Variants in CFAP43 observed in about 807,000 individuals in gnomAD.
CFAP43 encodes cilia and flagella associated protein 43.
CFAP43 carries 155 observed loss-of-function variants against 218.9 expected under a neutral mutation model. That is an observed-to-expected ratio of 0.71 (90% CI 0.62 to 0.81). The LOEUF (loss-of-function observed/expected upper bound fraction) is 0.81. Among genes scored for constraint, CFAP43 ranks in the 30% least tolerant of loss-of-function variants. The probability of loss-of-function intolerance (pLI) is 0.00; values close to 1 mark genes in which losing one functional copy is unlikely to be tolerated. For missense variants in CFAP43, 1,778 were observed against 1,954.3 expected (o/e 0.91, Z 1.70); for synonymous variants, 645 against 681.3 (o/e 0.95, Z 0.83).
intron 14 of CFAP43, among the ~76,000 whole-genome samples, chr10:104,186,605 A>C (rs974747198): frequency 1.3e-5 from 2 of 152,156 alleles, no homozygotes; most frequent in Non-Finnish European, 2.9e-5. Context: ...TGTATGCAAT[A>C]TCTCTCCATG....
At position 104,168,768 on chromosome 10, in the gene CFAP43, C is replaced by T; in HGVS notation, c.2667G>A (p.Met889Ile). The change falls in exon 21 of 38, where the codon ATG becomes ATA. Residue 889 changes from methionine (M) to isoleucine (I), a missense_variant. This residue lies in a region of CFAP43 where 1,553 missense variants were observed against 1,685.2 expected (regional missense o/e 0.92). Coordinates refer to ENST00000357060, the MANE Select transcript of CFAP43 (RefSeq NM_025145.7). ...CCTTAAGAGCTCGACCTTTCACAGC[C>T]ATCGAATTCCAACATTCTTCTTTGA... ...ELIKEECWNS[M>I]AVKGRALKCF... The T allele has an allele frequency of 6.2e-7, 1 of 1,614,102 alleles. No individual in the cohort carries two copies. Among genetic ancestry groups the T allele is most frequent in the Non-Finnish European group, 8.5e-7 (1 of 1,179,988 alleles).
At chr10:104,199,944 A>C (rs2090483313) in intron 8 of CFAP43, among the ~76,000 whole-genome samples, 1 of 152,180 alleles carries the variant, frequency 6.6e-6, no homozygotes, top group African/African-American at 2.4e-5. Context: ...AATAAGTTTT[A>C]TTGGGGGGTC....
At chr10:104,154,171 T>C (rs2088421247) in intron 27 of CFAP43, among the ~76,000 whole-genome samples, 1 of 152,238 alleles carries the variant, frequency 6.6e-6, no homozygotes, top group Admixed American at 6.5e-5. Flanking sequence ...TGTAAATATC[T>C]TGTTTCTCAT....
chr10:104,217,720 C>T (rs974039747), intron 3 of CFAP43, among the ~76,000 whole-genome samples: 3 of 152,188 alleles, frequency 2.0e-5, no homozygotes, highest in Admixed American at 6.5e-5. Flanking sequence ...ATCAGGTCAG[C>T]TGGTACCTAT....
intron 28 of CFAP43, among the ~76,000 whole-genome samples, chr10:104,149,578 A>T (rs921989310): frequency 5.3e-5 from 8 of 152,336 alleles, no homozygotes; most frequent in Middle Eastern, 3.4e-3. Context: ...AAATTCATAA[A>T]TTTAAACAAA....
rs774054531 is a variant in CFAP43, at chr10:104,167,602, T to G, written c.2808+19A>C. On this transcript the variant is annotated intron_variant, in intron 22 of 37. Coordinates refer to ENST00000357060, the MANE Select transcript of CFAP43 (RefSeq NM_025145.7). ...AAAGCACATCACTTATATAAACACA[T>G]GTATATTTAAAATAGTACTTTAAGA... The G allele has an allele frequency of 6.4e-7, 1 of 1,564,040 alleles. No homozygotes were observed. The highest frequency in any genetic ancestry group is 1.9e-5 in the Admixed American group (1 of 51,374).
At chr10:104,218,301 T>C (rs1474438814) in intron 3 of CFAP43, among the ~76,000 whole-genome samples, 2 of 137,110 alleles carry the variant, frequency 1.5e-5, no homozygotes, top group Non-Finnish European at 3.0e-5. Flanking sequence ...TGAGCCGAGA[T>C]CGCACCACTG....
chr10:104,189,010 C>T (rs901963849), intron 12 of CFAP43, among the ~76,000 whole-genome samples: 15 of 152,148 alleles, frequency 9.9e-5, no homozygotes, highest in Admixed American at 3.3e-4. Context: ...AGCAGATGAC[C>T]TTCCCTCTTC....
chr10:104,161,172 T>G lies in CFAP43; in HGVS notation c.3415-10A>C, dbSNP rs143143215. 6 of 1,612,264 alleles carry G rather than the reference T, an allele frequency of 3.7e-6. No homozygotes were observed. In the African/African-American group the frequency reaches 8.0e-5, roughly 22 times the overall value. On this transcript the variant is annotated splice_polypyrimidine_tract_variant and intron_variant, in intron 26 of 37. Coordinates refer to ENST00000357060, the MANE Select transcript of CFAP43 (RefSeq NM_025145.7). ...CAGGTTGAGGAATCACCTGAAGATATGAAGAAAAGCATATATTTCAGCTCA... is the reference window on the plus strand; with the variant it reads ...CAGGTTGAGGAATCACCTGAAGATAGGAAGAAAAGCATATATTTCAGCTCA...
Position 104,130,103 on chromosome 10 carries a change from T to C in CFAP43, c.*36A>G, listed in dbSNP as rs752363013. The C allele has an allele frequency of 1.2e-5, 19 of 1,538,200 alleles. No individual in the cohort carries two copies. On this transcript the variant is annotated 3_prime_UTR_variant, in exon 38 of 38. Transcript: ENST00000357060. ...TACCCAAATGAAATGATTTTTTAAA[T>C]GATTGATTTGGCCTTGTGTTTTCCT...
intron 5 of CFAP43, among the ~76,000 whole-genome samples, chr10:104,208,125 ACTG>A (rs1434298460): frequency 6.6e-6 from 1 of 152,224 alleles, no homozygotes; most frequent in Non-Finnish European, 1.5e-5. Flanking sequence ...AAAAAATTAA[ACTG>A]CTGCTGAATA....
At chr10:104,134,401 AAAAG>A (rs1312611892) in intron 34 of CFAP43, among the ~76,000 whole-genome samples, 2 of 152,194 alleles carry the variant, frequency 1.3e-5, no homozygotes, top group Non-Finnish European at 2.9e-5. Context: ...CTGTCTCAAA[AAAAG>A]AAAGAAAGAA....
Position 104,162,319 on chromosome 10 carries a change from G to C in CFAP43, c.3331C>G (p.Gln1111Glu), listed in dbSNP as rs1389735174. The C allele has an allele frequency of 6.2e-7, 1 of 1,613,586 alleles. No individual in the cohort carries two copies. The highest frequency in any genetic ancestry group is 1.1e-5 in the South Asian group (1 of 91,066). Residue 1111 changes from glutamine (Q) to glutamate (E), a missense_variant and splice_region_variant, in exon 25 of 38, where the codon CAG becomes GAG. This residue lies in a region of CFAP43 where 1,553 missense variants were observed against 1,685.2 expected (regional missense o/e 0.92). Coordinates refer to ENST00000357060, the MANE Select transcript of CFAP43 (RefSeq NM_025145.7). Reference sequence around the variant, plus strand: ...CTGTGTTAAGCAAAGCTACATGCCTGTATCAGAAGCCAGTGCTCCTTTTCA... The same window carrying C: ...CTGTGTTAAGCAAAGCTACATGCCTCTATCAGAAGCCAGTGCTCCTTTTCA... The part of the protein sequence containing the change: ...NHEKEHWLLI[Q>E]DASTRLRALM...
intron 3 of CFAP43, among the ~76,000 whole-genome samples, chr10:104,223,604 G>T (rs2135004323): frequency 6.6e-6 from 1 of 152,278 alleles, no homozygotes; most frequent in African/African-American, 2.4e-5. Flanking sequence ...ATTGCTCTTA[G>T]TAAGGACAAT....
chr10:104,147,310 G>C (rs765401060), intron 29 of CFAP43, among the ~76,000 whole-genome samples: 19 of 151,716 alleles, frequency 1.3e-4, no homozygotes, highest in Non-Finnish European at 2.2e-4. Flanking sequence ...TCATTTTTAA[G>C]TCACACATTC....
At position 104,140,846 on chromosome 10, in the gene CFAP43, A is replaced by T. The variant is rs1345659023; in HGVS notation, c.4427T>A (p.Ile1476Asn). 4 of 1,593,666 alleles carry T rather than the reference A, an allele frequency of 2.5e-6. No individual in the cohort carries two copies. Among genetic ancestry groups the T allele is most frequent in the Non-Finnish European group, 3.4e-6 (4 of 1,174,098 alleles). Residue 1476 changes from isoleucine to asparagine, a missense_variant, in exon 34 of 38, where the codon ATT (isoleucine) becomes AAT (asparagine). Physicochemically the swap from Ile to Asn is moderately radical, Grantham distance 149 (BLOSUM62 -3). Around this residue, in one of 3 missense-constraint regions of CFAP43, gnomAD observed 211 missense variants for 230.6 expected, o/e 0.91. Transcript: ENST00000357060. ...AAAAATAAAAAGTATAATTACCCGAATCACAGAATTCAAGTCTTCAATTAT... is the reference window on the plus strand; with the variant it reads ...AAAAATAAAAAGTATAATTACCCGATTCACAGAATTCAAGTCTTCAATTAT... ...KNIIEDLNSV[I>N]RTQGQKKVAS...
rs112557625 is a variant in CFAP43, at chr10:104,138,478, C to T, written c.4431+2364G>A. Among the ~76,000 whole-genome samples the T allele has an allele frequency of 2.0e-3, 297 of 152,202 alleles. 2 individuals carry two copies. Among genetic ancestry groups the T allele is most frequent in the Non-Finnish European group, 3.2e-3 (216 of 67,996 alleles). ...ATCACCTGAGGTTGGTAGTTCGAGA[C>T]CAGCCTGACCAACATGGAGAAACCC... is the stretch of plus-strand genomic sequence containing the variant. On this transcript the variant is annotated intron_variant, in intron 34 of 37. Transcript: ENST00000357060.
At chr10:104,209,776 C>G (rs561358838) in intron 5 of CFAP43, among the ~76,000 whole-genome samples, 2 of 152,220 alleles carry the variant, frequency 1.3e-5, no homozygotes, top group African/African-American at 4.8e-5. Context: ...CTTTGTTCTT[C>G]CTTTGCTGCC....
intron 7 of CFAP43, 86 bp from the exon 8 acceptor site, chr10:104,203,889 AT>A: frequency 8.2e-7 from 1 of 1,216,218 alleles, no homozygotes; most frequent in African/African-American, 1.5e-5. Flanking sequence ...AGGCTTATTG[AT>A]TACTTCTACT....
Sources: allele counts gnomAD v4.1 joint callset (sites outside exome capture counted in the v4.1 genomes callset), GRCh38; gene constraint gnomAD v4.1.1; regional missense constraint gnomAD v4.1.1; transcripts MANE v1.5; gene names NCBI Gene and HGNC (gene_info 2026-07-23, HGNC 2026-07-21).